The following SPDYE18 variants were observed in gnomAD, a reference collection of about 807,000 sequenced individuals.
SPDYE18 encodes the protein speedy/RINGO cell cycle regulator family member E18.
Under a neutral mutation model 44.9 loss-of-function variants are expected in SPDYE18, and 6 were observed. The observed-to-expected ratio is 0.13, with a 90% CI of 0.07 to 0.26. SPDYE18 has a LOEUF of 0.26. Among genes scored for constraint, SPDYE18 ranks in the 10% least tolerant of loss-of-function variants. The pLI is 1.00. For synonymous variants in SPDYE18, 35 were observed against 177.1 expected, an observed-to-expected ratio of 0.20 and a Z score of 6.37; for missense variants, 121 against 463.2, an observed-to-expected ratio of 0.26 and a Z score of 6.78.
chr7:77,057,374 C>A (rs1789942297), intron 4 of SPDYE18, among the ~76,000 whole-genome samples: 1 of 152,028 alleles, frequency 6.6e-6, no homozygotes, highest in South Asian at 2.1e-4. Context: ...GCCTCAGCCT[C>A]CCAACGTGCT....
At chr7:77,051,935 G>A (rs1394001721) in intron 8 of SPDYE18, among the ~76,000 whole-genome samples, 56 bp from the exon 9 acceptor site, 6 of 148,308 alleles carry the variant, frequency 4.0e-5, no homozygotes, top group African/African-American at 1.2e-4. Context: ...TAGACAGGAA[G>A]GTTATTCACG....
rs3972469 is a variant in SPDYE18, at chr7:77,062,082, C to T, written c.-422+414G>A. On this transcript the variant is annotated intron_variant, in intron 1 of 8. Transcript: ENST00000510091. ...TGCGCAGGTTGCAGGGAGCCAAGAT[C>T]GCACCATTGTGCTCCAGCCTGGGCA... 1.2e-4 allele frequency among the ~76,000 whole-genome samples: 17 copies of T among 137,822 alleles called. 2 individuals are homozygous for T. In the South Asian group the frequency reaches 4.6e-3, roughly 37 times the overall value. 90.4% of individuals were successfully genotyped at this position (137,822 alleles called of 152,430 possible).
chr7:77,056,502 C>G lies in SPDYE18; in HGVS notation c.669+48G>C, dbSNP rs1008494868. ...GTGGGTTTGGAAGCTGCGCCCTCCC[C>G]CCAGCCATGCGTTGGAACAGGAACA... On this transcript the variant is annotated intron_variant, in intron 5 of 8. Coordinates refer to ENST00000510091, the MANE Select transcript of SPDYE18 (RefSeq NM_001394953.1). 2.0e-5 allele frequency: 12 copies of G among 614,952 alleles called. 1 individual carries two copies. The highest frequency in any genetic ancestry group is 7.8e-5 in the African/African-American group (3 of 38,516). 38.1% of individuals were successfully genotyped at this position (614,952 alleles called of 1,614,324 possible). A position where few individuals can be genotyped will look rare whatever the true frequency, so the allele number is the denominator to read the frequency against.
intron 6 of SPDYE18, among the ~76,000 whole-genome samples, chr7:77,054,512 G>A (rs1789881436): frequency 6.7e-6 from 1 of 149,712 alleles, no homozygotes; most frequent in African/African-American, 2.4e-5. Context: ...CCCCAGCAGG[G>A]AGCATTTGAC....
intron 8 of SPDYE18, among the ~76,000 whole-genome samples, chr7:77,052,111 C>G (rs1450819955): frequency 1.4e-5 from 2 of 139,366 alleles, no homozygotes; most frequent in Non-Finnish European, 3.1e-5. Flanking sequence ...CCCCAGTGAT[C>G]TGCTTCATAG....
intron 4 of SPDYE18, among the ~76,000 whole-genome samples, chr7:77,057,284 C>T (rs1269507422): frequency 6.6e-6 from 1 of 151,688 alleles, no homozygotes; most frequent in African/African-American, 2.4e-5. Context: ...CAGGGTTTTG[C>T]TCTGTCACCC....
At chr7:77,059,149 A>G (rs1789980317) in intron 3 of SPDYE18, 31 bp downstream of exon 3, 1 of 1,572,418 alleles carries the variant, frequency 6.4e-7, no homozygotes. Context: ...AAAGAACAGG[A>G]TTGGAGGTGC....
chr7:77,062,101 C>G (rs1203452943), intron 1 of SPDYE18, among the ~76,000 whole-genome samples: 1 of 139,176 alleles, frequency 7.2e-6, no homozygotes, highest in South Asian at 2.6e-4. Flanking sequence ...GTGCTCCAGC[C>G]TGGGCAACAA....
chr7:77,052,083 T>G (rs1460261305), intron 8 of SPDYE18, among the ~76,000 whole-genome samples: 3 of 135,458 alleles, frequency 2.2e-5, no homozygotes, highest in Non-Finnish European at 4.7e-5. Context: ...AAAACTCACT[T>G]AATACACCCA....
chr7:77,051,488 A>T lies in SPDYE18; in HGVS notation c.*437T>A, dbSNP rs1193833494. ...TGTGGCACTGATATTTCACAAAAGA[A>T]TTCTGTGCCAATCTGAGCCCCTGCA... is the stretch of plus-strand genomic sequence containing the variant. On this transcript the variant is annotated 3_prime_UTR_variant, in exon 9 of 9. Coordinates refer to ENST00000510091, the MANE Select transcript of SPDYE18 (RefSeq NM_001394953.1). Among the ~76,000 whole-genome samples the T allele has an allele frequency of 6.6e-6, 1 of 152,286 alleles. No homozygotes were observed. The highest frequency in any genetic ancestry group is 1.5e-5 in the Non-Finnish European group (1 of 68,054).
chr7:77,058,492 T>C (rs1411418238), intron 3 of SPDYE18, among the ~76,000 whole-genome samples: 79 of 112,532 alleles, frequency 7.0e-4, no homozygotes, highest in African/African-American at 2.4e-3. Flanking sequence ...TCTGGGCCCT[T>C]CCTTCCTTCT....
intron 4 of SPDYE18, among the ~76,000 whole-genome samples, 173 bp from the exon 5 acceptor site, chr7:77,056,781 G>C (rs1483732407): frequency 3.4e-5 from 5 of 149,006 alleles, no homozygotes; most frequent in South Asian, 2.2e-4. Context: ...AGAGGCTCCT[G>C]CTCTGAGACT....
At chr7:77,052,214 A>C (rs372114794) in intron 8 of SPDYE18, among the ~76,000 whole-genome samples, 11 of 149,944 alleles carry the variant, frequency 7.3e-5, no homozygotes, top group Non-Finnish European at 1.2e-4. Context: ...TGTGTCACTT[A>C]AGATCTAAAC....
chr7:77,054,472 C>T (rs1043703450), intron 6 of SPDYE18, among the ~76,000 whole-genome samples: 4 of 148,266 alleles, frequency 2.7e-5, no homozygotes, highest in South Asian at 2.1e-4. Context: ...CACTAGGAAG[C>T]CCCCTGGCTT....
intron 8 of SPDYE18, among the ~76,000 whole-genome samples, chr7:77,052,232 C>T (rs1267502945): frequency 2.0e-5 from 3 of 150,968 alleles, no homozygotes; most frequent in Non-Finnish European, 2.9e-5. Flanking sequence ...AACTTGTAAC[C>T]ATGCTAGATG....
intron 6 of SPDYE18, among the ~76,000 whole-genome samples, chr7:77,054,871 G>C (rs1263288109): frequency 6.6e-6 from 1 of 152,116 alleles, no homozygotes; most frequent in African/African-American, 2.4e-5. Context: ...GGGTTCAAAG[G>C]GTTCTCTTGC....
chr7:77,054,200 A>G (rs1227389256), intron 6 of SPDYE18, among the ~76,000 whole-genome samples: 1 of 150,600 alleles, frequency 6.6e-6, no homozygotes, highest in Non-Finnish European at 1.5e-5. Context: ...GGGTGAACTG[A>G]CTTCAAGGAA....
intron 1 of SPDYE18, among the ~76,000 whole-genome samples, 146 bp from the exon 2 acceptor site, chr7:77,061,079 A>G (rs542450670): frequency 0.013 from 1,214 of 93,434 alleles, 27 homozygotes; most frequent in African/African-American, 0.056. Flanking sequence ...ATTATCATGT[A>G]CAAGAGATCC....
chr7:77,060,028 C>T (rs868810189), intron 2 of SPDYE18, among the ~76,000 whole-genome samples: 332 of 116,868 alleles, frequency 2.8e-3, no homozygotes, highest in Non-Finnish European at 4.3e-3. Context: ...TTTTTCTTTT[C>T]TTTTTTTTTT....
Sources: gnomAD v4.1 joint callset for allele counts (sites outside exome capture counted in the v4.1 genomes callset) on GRCh38, gnomAD v4.1.1 for gene constraint, MANE v1.5 for transcripts, NCBI Gene and HGNC (gene_info 2026-07-23, HGNC 2026-07-21) for gene names.